The following TERT variants were observed in gnomAD, a reference collection of about 807,000 sequenced individuals.
TERT encodes the protein telomerase catalytic subunit.
Under a neutral mutation model 104.0 loss-of-function variants are expected in TERT, and 42 were observed. The ratio of observed to expected loss-of-function variants is 0.40; its 90% CI spans 0.32 to 0.52. TERT has a LOEUF of 0.52. TERT is among the 20% of genes least tolerant of loss of function. TERT has a pLI of 0.43. For missense variants in TERT, 1,101 were observed against 1,610.3 expected (o/e 0.68, Z 5.41); for synonymous variants, 781 against 725.6 (o/e 1.08, Z -1.23).
chr5:1,260,739 C>T lies in TERT; in HGVS notation c.2844-139G>A, dbSNP rs1188593233. 73 of 1,234,114 alleles carry T rather than the reference C, an allele frequency of 5.9e-5. 1 individual carries two copies. The East Asian group carries it at 1.8e-3, about 31-fold the overall frequency. 76.4% of individuals were successfully genotyped at this position (1,234,114 alleles called of 1,614,324 possible). A position where few individuals can be genotyped will look rare whatever the true frequency, so the allele number is the denominator to read the frequency against. ...GGGCATGCGCTGCAGCCCGAGGGGG[C>T]TGGGTGCTCACTCCATGGACTCCAA... On this transcript the variant is annotated intron_variant, in intron 11 of 15. Transcript: ENST00000310581.
chr5:1,280,487 A>G (rs887395541), intron 3 of TERT, 149 bp from the exon 4 acceptor site: 4 of 874,306 alleles, frequency 4.6e-6, no homozygotes, highest in Middle Eastern at 3.3e-4. Flanking sequence ...GGCCACGTCC[A>G]CCCATGCCAG....
Position 1,261,641 on chromosome 5 carries a change from C to T in TERT, c.2844-1041G>A, listed in dbSNP as rs1018521547. On this transcript the variant is annotated intron_variant, in intron 11 of 15. Coordinates refer to ENST00000310581, the MANE Select transcript of TERT (RefSeq NM_198253.3). This position sits in a 1 kb window ranked among gnomAD's most constrained non-coding sequence, Gnocchi z 7.4. ...GTGCGTTTCTTTGAGGGATGGGTCT[C>T]GCTGTCAGTTTCACATGCATTTCTT... Among the ~76,000 whole-genome samples the T allele has an allele frequency of 6.6e-6, 1 of 152,212 alleles. No homozygotes were observed. The highest frequency in any genetic ancestry group is 2.4e-5 in the African/African-American group (1 of 41,446).
intron 2 of TERT, among the ~76,000 whole-genome samples, chr5:1,284,152 C>T (rs1160466653): frequency 8.9e-6 from 1 of 112,970 alleles, no homozygotes; most frequent in African/African-American, 3.6e-5. Flanking sequence ...GACCACACCC[C>T]AGACCTGCAC....
At chr5:1,289,010 G>A (rs538063111) in intron 2 of TERT, among the ~76,000 whole-genome samples, 9 of 152,308 alleles carry the variant, frequency 5.9e-5, no homozygotes, top group East Asian at 1.9e-4. Flanking sequence ...GGCAACCGGC[G>A]CAGCTGTGGC....
rs537793879 is a variant in TERT, at chr5:1,288,506, G to A, written c.1573+4807C>T. ...GAGACACTCCAACCTGTGGCTGGAC[G>A]TCAATCCATGTGAGGGGGCGACTGG... On this transcript the variant is annotated intron_variant, in intron 2 of 15. Transcript: ENST00000310581. The surrounding 1 kb of genome is among the most constrained non-coding windows in gnomAD (Gnocchi z 5.3). Among the ~76,000 whole-genome samples, 15 of 152,240 alleles carry A rather than the reference G, an allele frequency of 9.9e-5. No individual in the cohort carries two copies. The highest frequency in any genetic ancestry group is 3.6e-4 in the African/African-American group (15 of 41,538).
intron 11 of TERT, 179 bp downstream of exon 11, chr5:1,264,225 T>C (rs2126594197): frequency 1.5e-6 from 1 of 655,886 alleles, no homozygotes; most frequent in East Asian, 2.7e-5. Context: ...GCACCCTCAC[T>C]CCCACAGAAA....
At chr5:1,260,664 G>A in intron 11 of TERT, 64 bp from the exon 12 acceptor site, 1 of 1,605,480 alleles carries the variant, frequency 6.2e-7, no homozygotes, top group South Asian at 1.1e-5. Flanking sequence ...CTCCTGCAAA[G>A]CTTGCTCCAA....
At chr5:1,258,766 T>C in intron 12 of TERT, 107 bp from the exon 13 acceptor site, 2 of 1,010,146 alleles carry the variant, frequency 2.0e-6, no homozygotes, top group Non-Finnish European at 3.0e-6. Flanking sequence ...AGAGGAACAT[T>C]TTGACAAGAA....
At chr5:1,266,662 A>G in intron 9 of TERT, 127 bp from the exon 10 acceptor site, 2 of 838,698 alleles carry the variant, frequency 2.4e-6, no homozygotes, top group South Asian at 2.9e-5. Context: ...AAGCGGTTAA[A>G]TGAAAAACTT....
rs755822641 is a variant in TERT at position 1,272,214 on chromosome 5, G to C, written c.2353C>G (p.Pro785Ala). ...QFVAHLQETS[P>A]LRDAVVIEQS... is the part of the protein sequence containing the mutation. ...TCGATGACGACGGCATCCCTCAGCG[G>C]GCTGGTCTCCTGCAGGTGAGCCACG... Residue 785 changes from proline to alanine, a missense_variant, in exon 7 of 16, where the codon CCG becomes GCG. Coordinates refer to ENST00000310581, the MANE Select transcript of TERT (RefSeq NM_198253.3). The C allele has an allele frequency of 1.9e-6, 3 of 1,612,688 alleles. No individual in the cohort carries two copies. In the African/African-American group the frequency reaches 4.0e-5, roughly 22 times the overall value.
Position 1,292,879 on chromosome 5 carries a change from C to T in TERT, c.1573+434G>A, listed in dbSNP as rs1751080785. Among the ~76,000 whole-genome samples, 1 of 152,224 alleles carries T rather than the reference C, an allele frequency of 6.6e-6. No homozygotes were observed. Among genetic ancestry groups the T allele is most frequent in the Non-Finnish European group, 1.5e-5 (1 of 68,042 alleles). On this transcript the variant is annotated intron_variant, in intron 2 of 15. Transcript: ENST00000310581. This position sits in a 1 kb window ranked among gnomAD's most constrained non-coding sequence, Gnocchi z 5.5. ...GCTGACCACGTGCACCTGCAAAACC[C>T]TTACCTCCCACCCCCAGGAAGAGGG...
At position 1,263,128 on chromosome 5, in the gene TERT, C is replaced by A. The variant is rs555685122; in HGVS notation, c.2843+1276G>T. ...GCGTCTGCACCTGCTGCTCCCCCAT[C>A]ACGAGGGTGTCCACACCTGCTGCTC... is the stretch of plus-strand genomic sequence containing the variant. On this transcript the variant is annotated intron_variant, in intron 11 of 15. Coordinates refer to ENST00000310581, the MANE Select transcript of TERT (RefSeq NM_198253.3). The surrounding 1 kb of genome is among the most constrained non-coding windows in gnomAD (Gnocchi z 5.3). 3.9e-4 allele frequency among the ~76,000 whole-genome samples: 59 copies of A among 152,304 alleles called. 1 individual carries two copies. The highest frequency in any genetic ancestry group is 6.8e-3 in the Middle Eastern group (2 of 294).
rs1041874115 is a variant in TERT, at chr5:1,270,685, C to T, written c.2468+434G>A. ...AGCCCGCGCCCTCGCGGGGGTCACA[C>T]GACAGGGACAGGAATGAGAATCGGA... On this transcript the variant is annotated intron_variant, in intron 8 of 15. Transcript: ENST00000310581. This position sits in a 1 kb window ranked among gnomAD's most constrained non-coding sequence, Gnocchi z 8.3. 1.3e-5 allele frequency among the ~76,000 whole-genome samples: 2 copies of T among 152,344 alleles called. No individual in the cohort carries two copies. The highest frequency in any genetic ancestry group is 2.4e-5 in the African/African-American group (1 of 41,582).
At position 1,270,666 on chromosome 5, in the gene TERT, C is replaced by T. The variant is rs886677103; in HGVS notation, c.2468+453G>A. 3.3e-5 allele frequency among the ~76,000 whole-genome samples: 5 copies of T among 152,214 alleles called. No homozygotes were observed. Among genetic ancestry groups the T allele is most frequent in the East Asian group, 1.9e-4 (1 of 5,194 alleles). On this transcript the variant is annotated intron_variant, in intron 8 of 15. Transcript: ENST00000310581. This position sits in a 1 kb window ranked among gnomAD's most constrained non-coding sequence, Gnocchi z 8.3. Reference sequence around the variant, plus strand: ...ATCTAGTCACAGAGAGAAGAGCCCGCGCCCTCGCGGGGGTCACACGACAGG... The same window carrying T: ...ATCTAGTCACAGAGAGAAGAGCCCGTGCCCTCGCGGGGGTCACACGACAGG...
Position 1,271,108 on chromosome 5 carries a change from AC to A in TERT, c.2468+10del. On this transcript the variant is annotated intron_variant, in intron 8 of 15. Coordinates refer to ENST00000310581, the MANE Select transcript of TERT (RefSeq NM_198253.3). ...ACCCGCAGGGCAATGGCACCTGGCC[AC>A]CTGACTCACTTGCCCCTGATGCGCA... The A allele has an allele frequency of 6.2e-7, 1 of 1,611,614 alleles. No homozygotes were observed. Among genetic ancestry groups the A allele is most frequent in the South Asian group, 1.1e-5 (1 of 90,664 alleles).
At chr5:1,264,114 G>T (rs1561192795) in intron 11 of TERT, 8 of 479,348 alleles carry the variant, frequency 1.7e-5, no homozygotes, top group South Asian at 1.4e-4. Flanking sequence ...GGGCGTCTTG[G>T]GTTCGGATCC....
At chr5:1,291,590 G>T in intron 2 of TERT, among the ~76,000 whole-genome samples, 1 of 128,898 alleles carries the variant, frequency 7.8e-6, no homozygotes, top group African/African-American at 2.9e-5. Flanking sequence ...ACGTGACAGG[G>T]ACACCCGGGG....
At chr5:1,280,423 A>G in intron 3 of TERT, 85 bp from the exon 4 acceptor site, 1 of 1,468,114 alleles carries the variant, frequency 6.8e-7, no homozygotes, top group Non-Finnish European at 9.3e-7. Flanking sequence ...GCCCCCACCG[A>G]CTCAGTGAGG....
rs1402807132 is a variant in TERT, at chr5:1,286,495, C to T, written c.1574-3871G>A. Among the ~76,000 whole-genome samples, 2 of 152,170 alleles carry T rather than the reference C, an allele frequency of 1.3e-5. No individual in the cohort carries two copies. The highest frequency in any genetic ancestry group is 4.8e-5 in the African/African-American group (2 of 41,448). On this transcript the variant is annotated intron_variant, in intron 2 of 15. Coordinates refer to ENST00000310581, the MANE Select transcript of TERT (RefSeq NM_198253.3). This position sits in a 1 kb window ranked among gnomAD's most constrained non-coding sequence, Gnocchi z 5.3. ...AGAACTAAGTCAGCAGGGAAAACAG[C>T]ACACAGGCTGGGGGGTGGCCAGAGC...
Sources: gnomAD v4.1 joint callset for allele counts (sites outside exome capture counted in the v4.1 genomes callset) on GRCh38, gnomAD v4.1.1 for gene constraint, Gnocchi (gnomAD v3.1) non-coding constraint, MANE v1.5 for transcripts, NCBI Gene and HGNC (gene_info 2026-07-23, HGNC 2026-07-21) for gene names.